The following TRAPPC8 variants were observed in gnomAD, a reference collection of about 807,000 sequenced individuals.
The protein encoded by TRAPPC8 is trafficking protein particle complex subunit 8.
Under a neutral mutation model 174.3 loss-of-function variants are expected in TRAPPC8, and 54 were observed. That is an observed-to-expected ratio of 0.31 (90% CI 0.25 to 0.39). The LOEUF is 0.39. Ranked by LOEUF, TRAPPC8 falls within the 10% of genes least tolerant of loss-of-function variation. The probability of loss-of-function intolerance (pLI) is 1.00; values close to 1 mark genes in which losing one functional copy is unlikely to be tolerated. For missense variants in TRAPPC8, 1,531 were observed against 1,699.1 expected (o/e 0.90, Z 1.74); for synonymous variants, 630 against 579.9 (o/e 1.09, Z -1.24).
rs2037393100 is a variant in TRAPPC8 at position 31,921,622 on chromosome 18, A to C, written c.353-3955T>G. ...TGACAGAGCGAGACTCCGTCTCAAA[A>C]AAAAAAAAAAAAAAAGTTATCTTTG... is the stretch of plus-strand genomic sequence containing the variant. On this transcript the variant is annotated intron_variant, in intron 2 of 28. Coordinates refer to ENST00000283351, the MANE Select transcript of TRAPPC8 (RefSeq NM_014939.5). 2.0e-5 allele frequency among the ~76,000 whole-genome samples: 3 copies of C among 151,862 alleles called. No homozygotes were observed. In the South Asian group the frequency reaches 6.3e-4, roughly 32 times the overall value.
intron 4 of TRAPPC8, among the ~76,000 whole-genome samples, chr18:31,915,499 C>T (rs1440099142): frequency 2.0e-5 from 3 of 150,762 alleles, no homozygotes; most frequent in East Asian, 2.0e-4. Context: ...CAGTGGCTCC[C>T]GCCTGTCATC....
chr18:31,854,045 C>A, intron 21 of TRAPPC8, 100 bp from the exon 22 acceptor site: 1 of 865,836 alleles, frequency 1.2e-6, no homozygotes, highest in South Asian at 1.6e-5. Context: ...AAGTCAATGT[C>A]AATTAACATA....
chr18:31,870,784 A>G (rs1395444620), intron 15 of TRAPPC8, 142 bp downstream of exon 15: 2 of 853,058 alleles, frequency 2.3e-6, no homozygotes, highest in Non-Finnish European at 3.4e-6. Flanking sequence ...GTCTGGTTTT[A>G]TAAATGCAGC....
intron 2 of TRAPPC8, among the ~76,000 whole-genome samples, chr18:31,927,387 C>T (rs562987191): frequency 6.6e-6 from 1 of 152,148 alleles, no homozygotes; most frequent in African/African-American, 2.4e-5. Context: ...CACAGCCTTC[C>T]AAGTAGCTGG....
At chr18:31,942,339 T>TATCTTTGCACCAATTAC in intron 1 of TRAPPC8, among the ~76,000 whole-genome samples, 1 of 152,142 alleles carries the variant, frequency 6.6e-6, no homozygotes, top group South Asian at 2.1e-4. Flanking sequence ...AGACTCACGT[T>TATCTTTGCACCAATTAC]TATCTTTGCA....
At chr18:31,887,830 G>A (rs1204552327) in intron 12 of TRAPPC8, among the ~76,000 whole-genome samples, 3 of 151,952 alleles carry the variant, frequency 2.0e-5, no homozygotes, top group African/African-American at 7.3e-5. Context: ...ATTCAACATA[G>A]TATTGGACGT....
chr18:31,873,592 AT>A (rs1214383590), intron 13 of TRAPPC8, 54 bp from the exon 14 acceptor site: 1 of 1,287,910 alleles, frequency 7.8e-7, no homozygotes, highest in Non-Finnish European at 1.1e-6. Flanking sequence ...TGGTATTTTT[AT>A]TTGTTTCCTC....
rs147248001 is a variant in TRAPPC8, at chr18:31,905,459, G to T, written c.1389+2001C>A. On this transcript the variant is annotated intron_variant, in intron 9 of 28. Coordinates refer to ENST00000283351, the MANE Select transcript of TRAPPC8 (RefSeq NM_014939.5). The stretch of plus-strand genomic sequence containing the variant: ...CACAGCTCTGGGCTCAGGGCAGGCT[G>T]TACTTTCTTCTATGATCAGCTTCAT... 4.3e-3 allele frequency among the ~76,000 whole-genome samples: 659 copies of T among 152,268 alleles called. 7 individuals are homozygous for T. The highest frequency in any genetic ancestry group is 0.031 in the South Asian group (151 of 4,818).
In TRAPPC8 at chr18:31,873,656, T is replaced by G. The variant is rs562090096; in HGVS notation, c.1954-118A>C. On this transcript the variant is annotated intron_variant, in intron 13 of 28. Coordinates refer to ENST00000283351, the MANE Select transcript of TRAPPC8 (RefSeq NM_014939.5). ...TATGTTAAGCAAGAATATTAAGATA[T>G]GTAATTACTAGTTTTATTTCTCATA... 3.0e-4 allele frequency: 192 copies of G among 633,680 alleles called. No individual in the cohort carries two copies. The East Asian group carries it at 5.4e-3, about 18-fold the overall frequency. The allele number at this position is 633,680 out of a possible 1,614,324, so 39.3% of individuals were successfully genotyped here.
intron 16 of TRAPPC8, among the ~76,000 whole-genome samples, chr18:31,868,793 C>T (rs2034706227): frequency 6.6e-6 from 1 of 152,004 alleles, no homozygotes; most frequent in Non-Finnish European, 1.5e-5. Flanking sequence ...GCCTCAGGTT[C>T]CAGGACTCAA....
intron 27 of TRAPPC8, among the ~76,000 whole-genome samples, chr18:31,834,483 G>T (rs1485140185): frequency 5.9e-5 from 9 of 152,078 alleles, no homozygotes; most frequent in Non-Finnish European, 1.2e-4. Flanking sequence ...CACAAACAGG[G>T]CTGAGAAATC....
intron 9 of TRAPPC8, among the ~76,000 whole-genome samples, chr18:31,902,507 G>A (rs1247832310): frequency 6.6e-6 from 1 of 152,128 alleles, no homozygotes; most frequent in African/African-American, 2.4e-5. Flanking sequence ...GTTTATCTAA[G>A]CCATCTATTT....
intron 24 of TRAPPC8, among the ~76,000 whole-genome samples, chr18:31,851,998 A>G (rs2033730069): frequency 6.6e-6 from 1 of 152,228 alleles, no homozygotes; most frequent in Middle Eastern, 3.4e-3. Flanking sequence ...TGGGGACTGA[A>G]GGCAGGTTGC....
In TRAPPC8 at chr18:31,863,106, GA is replaced by G. The variant is rs565269539; in HGVS notation, c.2745+1520del. ...GGCAATCATATGGACACATGGAGGGGAAAAAAATCATACAAACAAAAAACAC... is the reference window on the plus strand; with the variant it reads ...GGCAATCATATGGACACATGGAGGGGAAAAAATCATACAAACAAAAAACAC... On this transcript the variant is annotated intron_variant, in intron 19 of 28. Coordinates refer to ENST00000283351, the MANE Select transcript of TRAPPC8 (RefSeq NM_014939.5). Among the ~76,000 whole-genome samples, 54 of 148,964 alleles carry G rather than the reference GA, an allele frequency of 3.6e-4. 2 individuals are homozygous for G. In the South Asian group the frequency reaches 0.011, roughly 30 times the overall value.
At chr18:31,839,551 G>T in intron 26 of TRAPPC8, 94 bp from the exon 27 acceptor site, 1 of 1,191,440 alleles carries the variant, frequency 8.4e-7, no homozygotes, top group Non-Finnish European at 1.1e-6. Flanking sequence ...GTTAAAATCA[G>T]CAGAGATAAT....
chr18:31,889,357 A>G (rs916989230), intron 12 of TRAPPC8, among the ~76,000 whole-genome samples: 1 of 152,246 alleles, frequency 6.6e-6, no homozygotes, highest in Admixed American at 6.5e-5. Context: ...TCTAGTTCCA[A>G]TGACATTACC....
chr18:31,878,180 G>A (rs2035257425), intron 12 of TRAPPC8, among the ~76,000 whole-genome samples: 1 of 152,234 alleles, frequency 6.6e-6, no homozygotes, highest in Non-Finnish European at 1.5e-5. Flanking sequence ...CCTCTGACCG[G>A]GGCGTGATAA....
chr18:31,858,505 T>G (rs1172682624), intron 19 of TRAPPC8, among the ~76,000 whole-genome samples: 2 of 152,166 alleles, frequency 1.3e-5, no homozygotes, highest in African/African-American at 4.8e-5. Flanking sequence ...TTTTAGTAAC[T>G]CATGTGGGGG....
intron 11 of TRAPPC8, among the ~76,000 whole-genome samples, chr18:31,894,388 A>G (rs979035396): frequency 1.3e-5 from 2 of 152,222 alleles, no homozygotes; most frequent in Non-Finnish European, 2.9e-5. Flanking sequence ...AAGGCTTTAA[A>G]TGAACTGAAA....
Sources: allele counts gnomAD v4.1 joint callset (sites outside exome capture counted in the v4.1 genomes callset), GRCh38; gene constraint gnomAD v4.1.1; transcripts MANE v1.5; gene names NCBI Gene and HGNC (gene_info 2026-07-23, HGNC 2026-07-21).